The following PALLD variants were observed in gnomAD, a reference collection of about 807,000 sequenced individuals.
PALLD encodes the protein palladin, cytoskeletal associated protein.
A neutral mutation model predicts 123.5 loss-of-function variants in PALLD; 61 were observed. The ratio of observed to expected loss-of-function variants is 0.49; its 90% confidence interval spans 0.40 to 0.61. PALLD has a LOEUF of 0.61. Ranked by LOEUF, PALLD falls within the 20% of genes least tolerant of loss-of-function variation. The pLI is 0.00. For synonymous variants in PALLD, 465 were observed against 496.4 expected (o/e 0.94, Z 0.84); for missense variants, 1,273 against 1,377.0 (o/e 0.92, Z 1.20).
chr4:168,519,262 T>C (rs577298516), intron 2 of PALLD, among the ~76,000 whole-genome samples: 16 of 152,292 alleles, frequency 1.1e-4, no homozygotes, highest in Non-Finnish European at 2.1e-4. Flanking sequence ...AGGTGGGTAG[T>C]AGAGACACAG....
intron 10 of PALLD, chr4:168,832,146 A>T (rs1202730526): frequency 1.0e-6 from 1 of 985,440 alleles, no homozygotes. Context: ...ATCGGGCAGC[A>T]GCGGGAGGCG....
intron 10 of PALLD, among the ~76,000 whole-genome samples, chr4:168,830,048 A>G (rs1743973934): frequency 6.6e-6 from 1 of 152,156 alleles, no homozygotes; most frequent in Non-Finnish European, 1.5e-5. Flanking sequence ...CTTGGCCAAC[A>G]TGGTGAAACC....
chr4:168,684,201 G>A (rs1781810186), intron 5 of PALLD, among the ~76,000 whole-genome samples: 1 of 152,132 alleles, frequency 6.6e-6, no homozygotes. Context: ...GTATTTAGAT[G>A]TAAGACAGAA....
chr4:168,685,810 G>GAAAAAAAAAAAAAAAAAAA (rs70961550), intron 6 of PALLD, among the ~76,000 whole-genome samples: 2 of 65,664 alleles, frequency 3.0e-5, no homozygotes, highest in African/African-American at 5.8e-5. Flanking sequence ...AAGACAGATA[G>GAAAAAAAAAAAAAAAAAAA]AAAAAAAAAA....
chr4:168,809,136 A>G (rs1181333669), intron 10 of PALLD, among the ~76,000 whole-genome samples: 1 of 152,110 alleles, frequency 6.6e-6, no homozygotes, highest in Non-Finnish European at 1.5e-5. Context: ...GGAATGGTCT[A>G]TGACTAGCCT....
chr4:168,926,209 G>A lies in PALLD; in HGVS notation c.*33-4G>A, dbSNP rs113515140. On this transcript the variant is annotated splice_polypyrimidine_tract_variant and splice_region_variant and intron_variant, in intron 21 of 21. Transcript: ENST00000505667. ...AAATCTTAATTTACTCTTTTTCTTT[G>A]TAGCCCAGTGGCATCAGCAGTCACA... 1.9e-4 allele frequency: 280 copies of A among 1,508,264 alleles called. 2 individuals are homozygous for A. In the African/African-American group the frequency reaches 3.4e-3, roughly 18 times the overall value. 93.4% of individuals were successfully genotyped at this position (1,508,264 alleles called of 1,614,324 possible).
chr4:168,857,753 C>T (rs1190917123), intron 10 of PALLD, among the ~76,000 whole-genome samples: 2 of 152,298 alleles, frequency 1.3e-5, no homozygotes, highest in East Asian at 3.9e-4. Flanking sequence ...ACTGCATCAT[C>T]CTGTTAATCA....
chr4:168,680,026 A>C (rs1419762861), intron 3 of PALLD, among the ~76,000 whole-genome samples: 1 of 152,162 alleles, frequency 6.6e-6, no homozygotes, highest in Non-Finnish European at 1.5e-5. Context: ...CAGTAGAGTC[A>C]CTGGAAGGAA....
chr4:168,685,638 C>A, intron 6 of PALLD, 79 bp downstream of exon 6: 1 of 936,414 alleles, frequency 1.1e-6, no homozygotes, highest in Non-Finnish European at 1.8e-6. Flanking sequence ...GTGTAGCAAT[C>A]TTTAAAAATT....
At chr4:168,838,632 T>C (rs1745540360) in intron 10 of PALLD, among the ~76,000 whole-genome samples, 1 of 151,434 alleles carries the variant, frequency 6.6e-6, no homozygotes, top group Non-Finnish European at 1.5e-5. Context: ...AATTCTCTAG[T>C]TCACTTCTTG....
intron 2 of PALLD, among the ~76,000 whole-genome samples, chr4:168,635,394 T>C (rs1170871105): frequency 6.6e-6 from 1 of 152,180 alleles, no homozygotes; most frequent in Non-Finnish European, 1.5e-5. Flanking sequence ...TAAGCAGCCA[T>C]CTCCTGCCTC....
rs117936079 is a variant in PALLD at position 168,784,287 on chromosome 4, T to C, written c.1964+72364T>C. ...ATTCAAGGCTGCAGTAAGCTGTGATTGTGCCACTGCACTTCAGCCTGGGAA... is the reference window on the plus strand; with the variant it reads ...ATTCAAGGCTGCAGTAAGCTGTGATCGTGCCACTGCACTTCAGCCTGGGAA... On this transcript the variant is annotated intron_variant, in intron 10 of 21. Transcript: ENST00000505667. Among the ~76,000 whole-genome samples, 1,263 of 151,842 alleles carry C rather than the reference T, an allele frequency of 8.3e-3. 57 individuals carry two copies. The East Asian group carries it at 0.16, about 19-fold the overall frequency.
chr4:168,699,397 A>G (rs1783461161), intron 8 of PALLD, among the ~76,000 whole-genome samples: 2 of 152,118 alleles, frequency 1.3e-5, no homozygotes, highest in Non-Finnish European at 2.9e-5. Flanking sequence ...AAATATTGAT[A>G]CAAGCATTAC....
chr4:168,767,856 A>G (rs745369410), intron 10 of PALLD, among the ~76,000 whole-genome samples: 1 of 152,000 alleles, frequency 6.6e-6, no homozygotes, highest in Non-Finnish European at 1.5e-5. Flanking sequence ...CTCTGATCTT[A>G]TATCATTCCT....
chr4:168,741,644 A>T (rs1318618203), intron 10 of PALLD, among the ~76,000 whole-genome samples: 1 of 152,128 alleles, frequency 6.6e-6, no homozygotes, highest in Admixed American at 6.5e-5. Context: ...TGATTGTGTC[A>T]CTGCGCTCCA....
intron 2 of PALLD, among the ~76,000 whole-genome samples, chr4:168,527,681 T>A (rs1764202813): frequency 1.3e-5 from 2 of 152,182 alleles, no homozygotes; most frequent in South Asian, 4.1e-4. Flanking sequence ...CATTATCCTC[T>A]GACTCATCAT....
intron 3 of PALLD, among the ~76,000 whole-genome samples, chr4:168,668,980 T>C (rs879077428): frequency 2.0e-5 from 3 of 152,222 alleles, no homozygotes; most frequent in Admixed American, 1.3e-4. Context: ...ATCAAAGTAT[T>C]ATATTTTACA....
intron 10 of PALLD, among the ~76,000 whole-genome samples, chr4:168,727,476 C>T (rs982099152): frequency 6.6e-6 from 1 of 152,132 alleles, no homozygotes; most frequent in Non-Finnish European, 1.5e-5. Flanking sequence ...TAGTGATAAG[C>T]ATTTTTTCAT....
At position 168,656,998 on chromosome 4, in the gene PALLD, G is replaced by A. The variant is rs12647182; in HGVS notation, c.909-11192G>A. 1.6e-3 allele frequency among the ~76,000 whole-genome samples: 249 copies of A among 152,280 alleles called. 1 individual carries two copies. In the East Asian group the frequency reaches 0.024, roughly 15 times the overall value. On this transcript the variant is annotated intron_variant, in intron 2 of 21. Transcript: ENST00000505667. Reference sequence around the variant, plus strand: ...GGATCAATGGGATATAGGGCTTGCCGTATTACTGATGTCTGCCATAAGCTC... The same window carrying A: ...GGATCAATGGGATATAGGGCTTGCCATATTACTGATGTCTGCCATAAGCTC...
Sources: allele counts gnomAD v4.1 joint callset (sites outside exome capture counted in the v4.1 genomes callset), GRCh38; gene constraint gnomAD v4.1.1; transcripts MANE v1.5; gene names NCBI Gene and HGNC (gene_info 2026-07-23, HGNC 2026-07-21).